ENOSF1: variants seen among roughly 807,000 people sequenced by gnomAD.
The protein encoded by ENOSF1 is enolase superfamily member 1, also known as mitochondrial enolase superfamily member 1.
In ENOSF1, 73 loss-of-function variants were observed where a neutral mutation model predicts 68.2. That is an observed-to-expected ratio of 1.07 (90% CI 0.89 to 1.30). The LOEUF (loss-of-function observed/expected upper bound fraction) is 1.30, where lower values mean the gene tolerates loss of function less well. Ranked by LOEUF, ENOSF1 falls within the 50% of genes most tolerant of loss-of-function variation. ENOSF1 has a pLI of 0.00. For synonymous variants in ENOSF1, 223 were observed against 210.4 expected (o/e 1.06, Z -0.52); for missense variants, 589 against 554.5 (o/e 1.06, Z -0.62).
rs555268963 is a variant in ENOSF1, at chr18:706,647, T to C, written c.85-69A>G. On this transcript the variant is annotated intron_variant, in intron 1 of 15. Coordinates refer to ENST00000647584, the MANE Select transcript of ENOSF1 (RefSeq NM_017512.7). ...AACCCGAAAAGAACCATGAGAATGA[T>C]GTCACATGAGGACAGACAATGCCAC... is the stretch of plus-strand genomic sequence containing the variant. The C allele has an allele frequency of 4.0e-5, 47 of 1,189,106 alleles. No homozygotes were observed. The African/African-American group carries it at 6.7e-4, about 17-fold the overall frequency. The allele number at this position is 1,189,106 out of a possible 1,614,324, so 73.7% of individuals were successfully genotyped here.
chr18:680,793 G>T (rs1393622700), intron 11 of ENOSF1, among the ~76,000 whole-genome samples: 1 of 147,088 alleles, frequency 6.8e-6, no homozygotes, highest in African/African-American at 2.5e-5. Context: ...CCATTCTCCT[G>T]CCTCAGCCTC....
intron 2 of ENOSF1, among the ~76,000 whole-genome samples, chr18:700,985 T>C (rs2078287138): frequency 6.6e-6 from 1 of 151,652 alleles, no homozygotes; most frequent in Admixed American, 6.6e-5. Context: ...AGCAGCTTCT[T>C]GGCAACTAAA....
At chr18:675,947 A>AC (rs1370503977) in intron 14 of ENOSF1, among the ~76,000 whole-genome samples, 1 of 152,018 alleles carries the variant, frequency 6.6e-6, no homozygotes, top group African/African-American at 2.4e-5. Flanking sequence ...GGTCCATGGG[A>AC]CCACAACTGA....
chr18:667,382 TGATGGTGATGGA>T (rs1567990476), downstream of ENOSF1, among the ~76,000 whole-genome samples: 4 of 20,258 alleles, frequency 2.0e-4, 1 homozygote, highest in Admixed American at 9.1e-4. Context: ...ATGGTGATGG[TGATGGTGATGGA>T]GATGGTGATG....
At chr18:711,892 G>A (rs1232885843) in intron 1 of ENOSF1, among the ~76,000 whole-genome samples, 2 of 152,100 alleles carry the variant, frequency 1.3e-5, no homozygotes, top group Non-Finnish European at 2.9e-5. Flanking sequence ...ACGGGTCCAA[G>A]AGACCCAGAG....
chr18:700,275 G>C (rs1186831953), intron 2 of ENOSF1, among the ~76,000 whole-genome samples: 1 of 152,142 alleles, frequency 6.6e-6, no homozygotes, highest in Non-Finnish European at 1.5e-5. Context: ...AGAATTGTGA[G>C]AAGACAGAGT....
At position 693,307 on chromosome 18, in the gene ENOSF1, G is replaced by A. The variant is rs910476195; in HGVS notation, c.423+575C>T. On this transcript the variant is annotated intron_variant, in intron 5 of 15. Transcript: ENST00000647584. The stretch of plus-strand genomic sequence containing the variant: ...CTGATCTTATTCTTGGTGTCAAAGT[G>A]ACTGGATAGTATCTTTTCTTTTTTC... 3 of 1,251,124 alleles carry A rather than the reference G, an allele frequency of 2.4e-6. No homozygotes were observed. The Admixed American group carries it at 7.9e-5, about 33-fold the overall frequency. 77.5% of individuals were successfully genotyped at this position (1,251,124 alleles called of 1,614,324 possible).
At chr18:669,346 C>T (rs1467555741), downstream of ENOSF1, 9 of 490,272 alleles carry the variant, frequency 1.8e-5, no homozygotes, top group South Asian at 2.9e-5. Context: ...ACCTTCAGAT[C>T]ATGAGGTTGG....
downstream of ENOSF1, among the ~76,000 whole-genome samples, chr18:667,404 GGT>G: frequency 1.9e-4 from 1 of 5,164 alleles, no homozygotes; most frequent in Non-Finnish European, 4.6e-4. Context: ...AGATGGTGAT[GGT>G]GATGGTGATG....
chr18:678,623 T>C (rs762381339), intron 12 of ENOSF1, 73 bp downstream of exon 12: 2 of 1,469,800 alleles, frequency 1.4e-6, no homozygotes, highest in Non-Finnish European at 9.5e-7. Flanking sequence ...AACACACAAC[T>C]GTGTCCTCGG....
rs577616056 is a variant in ENOSF1 at position 671,293 on chromosome 18, C to T, written c.*3012G>A. ...AATTATTTTTTTAAAAAAAGCCTTG[C>T]GGTGTCTGCATATTCTAATGTTTTT... On this transcript the variant is annotated 3_prime_UTR_variant, in exon 16 of 16. Coordinates refer to ENST00000647584, the MANE Select transcript of ENOSF1 (RefSeq NM_017512.7). 328 of 883,790 alleles carry T rather than the reference C, an allele frequency of 3.7e-4. 1 individual carries two copies. The African/African-American group carries it at 4.3e-3, about 12-fold the overall frequency. The allele number at this position is 883,790 out of a possible 1,614,324, so 54.7% of individuals were successfully genotyped here. A position where few individuals can be genotyped will look rare whatever the true frequency, so the allele number is the denominator to read the frequency against.
At chr18:701,066 G>C (rs1007975123) in intron 2 of ENOSF1, among the ~76,000 whole-genome samples, 1 of 152,188 alleles carries the variant, frequency 6.6e-6, no homozygotes, top group South Asian at 2.1e-4. Context: ...AGCACTGGAA[G>C]GACATTGAGT....
intron 4 of ENOSF1, 55 bp downstream of exon 4, chr18:694,191 GAA>G: frequency 2.0e-6 from 3 of 1,526,168 alleles, no homozygotes; most frequent in Non-Finnish European, 2.7e-6. Flanking sequence ...TGTGCGTAGG[GAA>G]AGTCAGTGTC....
In ENOSF1 at chr18:683,246, C is replaced by A. The variant is rs372476837; in HGVS notation, c.876G>T (p.Lys292Asn). Residue 292 changes from lysine (K) to asparagine (N), a missense_variant and splice_region_variant, in exon 11 of 16, where the codon AAG (lysine) becomes AAT (asparagine). Transcript: ENST00000647584. ...ACAGCAGCAGCAGCCGTTTTCCTAC[C>A]TTGGAAATGGTGGCGTGCCCCAGAA... The part of the protein sequence containing the change: ...DDILGHATIS[K>N]ALVPLGIGIA... 1.7e-5 allele frequency: 28 copies of A among 1,614,070 alleles called. No homozygotes were observed. The African/African-American group carries it at 3.3e-4, about 19-fold the overall frequency.
intron 2 of ENOSF1, among the ~76,000 whole-genome samples, chr18:699,107 A>C (rs2145256722): frequency 6.6e-6 from 1 of 152,060 alleles, no homozygotes; most frequent in East Asian, 1.9e-4. Context: ...CAATCCTCCC[A>C]CCTCGGCCTC....
intron 2 of ENOSF1, among the ~76,000 whole-genome samples, chr18:704,967 G>C (rs1484780837): frequency 6.6e-6 from 1 of 152,174 alleles, no homozygotes; most frequent in African/African-American, 2.4e-5. Context: ...GAAGTCTGCA[G>C]AAGGACTGAC....
At chr18:674,529 T>A (rs1236005252) in intron 15 of ENOSF1, 123 bp from the exon 16 acceptor site, 2 of 640,034 alleles carry the variant, frequency 3.1e-6, no homozygotes, top group African/African-American at 3.8e-5. Flanking sequence ...ATTAATTTTT[T>A]TTTTTTTGAC....
chr18:669,929 T>C (rs902234449), downstream of ENOSF1, among the ~76,000 whole-genome samples: 15 of 151,940 alleles, frequency 9.9e-5, no homozygotes, highest in Middle Eastern at 3.4e-3. Context: ...GCCATTGCAC[T>C]CCAGCCTGGG....
At chr18:697,690 G>T (rs2077889488) in intron 2 of ENOSF1, among the ~76,000 whole-genome samples, 1 of 152,242 alleles carries the variant, frequency 6.6e-6, no homozygotes. Flanking sequence ...GGCAGAGGTT[G>T]CAGTGAGCCG....
Sources: gnomAD v4.1 joint callset for allele counts (sites outside exome capture counted in the v4.1 genomes callset) on GRCh38, gnomAD v4.1.1 for gene constraint, MANE v1.5 for transcripts, NCBI Gene and HGNC (gene_info 2026-07-23, HGNC 2026-07-21) for gene names.